SLC12A2: variants seen among roughly 807,000 people sequenced by gnomAD.
SLC12A2 encodes the protein Na-K-2Cl cotransporter 1.
Under a neutral mutation model 136.3 loss-of-function variants are expected in SLC12A2, and 67 were observed. That is an observed-to-expected ratio of 0.49 (90% confidence interval 0.40 to 0.60). SLC12A2 has a LOEUF of 0.60. Ranked by LOEUF, SLC12A2 falls within the 20% of genes least tolerant of loss-of-function variation. The probability of loss-of-function intolerance (pLI) is 0.00; values close to 1 mark genes in which losing one functional copy is unlikely to be tolerated. For missense variants in SLC12A2, 1,322 were observed against 1,534.7 expected (o/e 0.86, Z 2.32); for synonymous variants, 619 against 562.9 (o/e 1.10, Z -1.41).
At position 128,171,736 on chromosome 5, in the gene SLC12A2, T is replaced by G; in HGVS notation, c.2793T>G (p.Leu931=). Residue 931 remains leucine (L), a synonymous_variant, in exon 19 of 27, where the codon CTT becomes CTG. Transcript: ENST00000262461. ...RLKEGLDISH[L]QGQEELLSSQ... ...AAGAAGGTCTGGATATATCTCATCT[T>G]CAAGGACAAGGTAAATTTTGTTGGC... The G allele has an allele frequency of 6.4e-7, 1 of 1,572,534 alleles. No homozygotes were observed. Among genetic ancestry groups the G allele is most frequent in the Non-Finnish European group, 8.6e-7 (1 of 1,162,680 alleles).
chr5:128,180,811 CG>C (rs1561707937), intron 22 of SLC12A2, 71 bp from the exon 23 acceptor site: 2 of 869,762 alleles, frequency 2.3e-6, no homozygotes, highest in Non-Finnish European at 1.9e-6. Context: ...ACATGTTTTT[CG>C]AGACTAAATT....
intron 9 of SLC12A2, 79 bp from the exon 10 acceptor site, chr5:128,141,751 T>C (rs1166748490): frequency 1.6e-6 from 2 of 1,216,972 alleles, no homozygotes; most frequent in South Asian, 1.8e-5. Context: ...GGTTTCTTTA[T>C]AAATATATAT....
At chr5:128,126,610 T>G (rs921784682) in intron 4 of SLC12A2, among the ~76,000 whole-genome samples, 2 of 152,162 alleles carry the variant, frequency 1.3e-5, no homozygotes, top group Non-Finnish European at 2.9e-5. Flanking sequence ...AGCCAAGATT[T>G]GTCATCTGAA....
chr5:128,166,035 G>T (rs1383493618), intron 17 of SLC12A2, among the ~76,000 whole-genome samples: 1 of 151,380 alleles, frequency 6.6e-6, no homozygotes, highest in Non-Finnish European at 1.5e-5. Flanking sequence ...TGAATGGGGG[G>T]AAAATTTACT....
chr5:128,133,726 A>G (rs1470929462), intron 5 of SLC12A2, among the ~76,000 whole-genome samples: 1 of 152,102 alleles, frequency 6.6e-6, no homozygotes, highest in East Asian at 1.9e-4. Context: ...GAGTGGAAAC[A>G]GTGTGTTTTT....
At chr5:128,106,840 C>A (rs1760956456) in intron 1 of SLC12A2, among the ~76,000 whole-genome samples, 1 of 152,060 alleles carries the variant, frequency 6.6e-6, no homozygotes, top group Non-Finnish European at 1.5e-5. Flanking sequence ...TAAAAAGACA[C>A]CCACATGAAA....
intron 10 of SLC12A2, among the ~76,000 whole-genome samples, chr5:128,142,910 T>C (rs1762418993): frequency 6.6e-6 from 1 of 152,152 alleles, no homozygotes; most frequent in African/African-American, 2.4e-5. Context: ...GTACATGTGG[T>C]TTCTGGTTAC....
intron 10 of SLC12A2, among the ~76,000 whole-genome samples, chr5:128,146,795 T>C (rs1003205672): frequency 2.0e-5 from 3 of 151,706 alleles, no homozygotes; most frequent in Non-Finnish European, 4.4e-5. Context: ...CACAATACTA[T>C]CTTAACATAA....
intron 26 of SLC12A2, 142 bp downstream of exon 26, chr5:128,184,998 A>T (rs527731794): frequency 1.5e-6 from 1 of 676,788 alleles, no homozygotes; most frequent in Admixed American, 2.8e-5. Context: ...GTAAAAATAT[A>T]CTATGCTTTA....
intron 24 of SLC12A2, 30 bp from the exon 25 acceptor site, chr5:128,184,336 A>G (rs751176543): frequency 9.7e-6 from 13 of 1,338,476 alleles, no homozygotes; most frequent in Middle Eastern, 2.0e-4. Context: ...AAATAAGATT[A>G]GTTGTCAGTA....
chr5:128,144,748 G>A (rs1032675299), intron 10 of SLC12A2, among the ~76,000 whole-genome samples: 1 of 151,872 alleles, frequency 6.6e-6, no homozygotes, highest in Non-Finnish European at 1.5e-5. Context: ...CACTCTGCTT[G>A]GAATGCACCT....
At position 128,084,584 on chromosome 5, in the gene SLC12A2, G is replaced by C; in HGVS notation, c.630G>C (p.Leu210=). 1.9e-6 allele frequency: 3 copies of C among 1,613,680 alleles called. No individual in the cohort carries two copies. The highest frequency in any genetic ancestry group is 2.5e-6 in the Non-Finnish European group (3 of 1,179,998). ...YYDTHTNTYY[L]RTFGHNTMDA... Reference sequence around the variant, plus strand: ...ATACCCACACCAACACCTACTACCTGCGCACCTTCGGCCACAACACCATGG... The same window carrying C: ...ATACCCACACCAACACCTACTACCTCCGCACCTTCGGCCACAACACCATGG... Residue 210 remains leucine, a synonymous_variant, in exon 1 of 27, where the codon CTG becomes CTC. Transcript: ENST00000262461. The surrounding 1 kb of genome is among the most constrained non-coding windows in gnomAD (Gnocchi z 5.6).
intron 9 of SLC12A2, among the ~76,000 whole-genome samples, chr5:128,140,633 T>A (rs1296809022): frequency 6.6e-6 from 1 of 152,116 alleles, no homozygotes; most frequent in Non-Finnish European, 1.5e-5. Context: ...ATGCTGATGT[T>A]CAGTAGCTAG....
intron 11 of SLC12A2, among the ~76,000 whole-genome samples, chr5:128,148,161 A>G (rs1000088043): frequency 1.3e-5 from 2 of 151,738 alleles, no homozygotes; most frequent in Non-Finnish European, 1.5e-5. Flanking sequence ...TTCATTACTT[A>G]AGGGTATGAT....
At chr5:128,149,704 T>C (rs988063278) in intron 12 of SLC12A2, among the ~76,000 whole-genome samples, 2 of 151,914 alleles carry the variant, frequency 1.3e-5, no homozygotes, top group African/African-American at 4.8e-5. Flanking sequence ...AACAGTACTA[T>C]TATGATGCAT....
At chr5:128,141,591 T>C (rs1458753028) in intron 9 of SLC12A2, among the ~76,000 whole-genome samples, 1 of 152,170 alleles carries the variant, frequency 6.6e-6, no homozygotes, top group Non-Finnish European at 1.5e-5. Context: ...GGTTTTTAAG[T>C]GTTTATGTGT....
At chr5:128,114,148 G>A (rs1561665066) in intron 2 of SLC12A2, 64 bp from the exon 3 acceptor site, 3 of 1,184,390 alleles carry the variant, frequency 2.5e-6, no homozygotes, top group Non-Finnish European at 3.8e-6. Context: ...CTGGTTTAAT[G>A]CTTACTATAT....
In SLC12A2 at chr5:128,186,768, C is replaced by T. The variant is rs952627665; in HGVS notation, c.*137C>T. On this transcript the variant is annotated 3_prime_UTR_variant, in exon 27 of 27. Transcript: ENST00000262461. Reference sequence around the variant, plus strand: ...ACGATTTCATTAATTTGAAAGCACACAGGAAAGTTGCTCCATTGATAACGT... The same window carrying T: ...ACGATTTCATTAATTTGAAAGCACATAGGAAAGTTGCTCCATTGATAACGT... 2 of 933,626 alleles carry T rather than the reference C, an allele frequency of 2.1e-6. No homozygotes were observed. The highest frequency in any genetic ancestry group is 3.3e-5 in the African/African-American group (2 of 60,940). 57.8% of individuals were successfully genotyped at this position (933,626 alleles called of 1,614,324 possible). A position where few individuals can be genotyped will look rare whatever the true frequency, so the allele number is the denominator to read the frequency against.
chr5:128,160,631 T>A (rs955965470), intron 16 of SLC12A2, among the ~76,000 whole-genome samples: 3 of 152,088 alleles, frequency 2.0e-5, no homozygotes, highest in African/African-American at 7.2e-5. Context: ...CCGAAAGTAG[T>A]TTTTAGTTTT....
Sources: gnomAD v4.1 joint callset for allele counts (sites outside exome capture counted in the v4.1 genomes callset) on GRCh38, gnomAD v4.1.1 for gene constraint, Gnocchi (gnomAD v3.1) non-coding constraint, MANE v1.5 for transcripts, NCBI Gene and HGNC (gene_info 2026-07-23, HGNC 2026-07-21) for gene names.